The following ROBO2 variants were observed in gnomAD, a reference collection of about 807,000 sequenced individuals.
ROBO2 encodes roundabout homolog 2.
ROBO2 carries 53 observed loss-of-function variants against 160.8 expected under a neutral mutation model. The ratio of observed to expected loss-of-function variants is 0.33; its 90% CI spans 0.26 to 0.41. The LOEUF is 0.41. Ranked by LOEUF, ROBO2 falls within the 10% of genes least tolerant of loss-of-function variation. The pLI is 1.00. For synonymous variants in ROBO2, 664 were observed against 611.7 expected (o/e 1.09, Z -1.26); for missense variants, 1,577 against 1,722.4 (o/e 0.92, Z 1.49).
chr3:77,554,502 C>T (rs1461191683), intron 8 of ROBO2, among the ~76,000 whole-genome samples: 5 of 151,936 alleles, frequency 3.3e-5, no homozygotes, highest in Non-Finnish European at 7.4e-5. Flanking sequence ...TAATTAAAAA[C>T]CTTCTGGAAA....
chr3:77,330,749 G>A (rs933991958), intron 2 of ROBO2, among the ~76,000 whole-genome samples: 1 of 152,132 alleles, frequency 6.6e-6, no homozygotes, highest in East Asian at 1.9e-4. Flanking sequence ...AAGAAATGTG[G>A]GTTTTGATCT....
At chr3:77,051,174 C>T (rs1246260373) in intron 1 of ROBO2, among the ~76,000 whole-genome samples, 1 of 152,172 alleles carries the variant, frequency 6.6e-6, no homozygotes, top group African/African-American at 2.4e-5. Context: ...AAATACATTT[C>T]ATAGCTAAGT....
chr3:76,939,565 G>T (rs2078011699), intron 2 of ROBO2, among the ~76,000 whole-genome samples: 1 of 152,018 alleles, frequency 6.6e-6, no homozygotes, highest in Non-Finnish European at 1.5e-5. Flanking sequence ...CTGAGGTGGG[G>T]GTCAGAAGTT....
intron 2 of ROBO2, among the ~76,000 whole-genome samples, chr3:76,118,848 T>C (rs904274606): frequency 6.6e-6 from 1 of 152,184 alleles, no homozygotes; most frequent in African/African-American, 2.4e-5. Context: ...TCAGTAATGG[T>C]ATTAACAAAA....
chr3:76,528,564 G>A (rs148093998), intron 2 of ROBO2, among the ~76,000 whole-genome samples: 1 of 152,086 alleles, frequency 6.6e-6, no homozygotes, highest in African/African-American at 2.4e-5. Context: ...AGATTAGCTA[G>A]GAAAGATAAA....
intron 2 of ROBO2, among the ~76,000 whole-genome samples, chr3:77,421,379 C>A (rs2077700761): frequency 6.6e-6 from 1 of 151,926 alleles, no homozygotes; most frequent in African/African-American, 2.4e-5. Context: ...TCGTGTATAA[C>A]ATTTTTTTTC....
chr3:77,001,598 A>G (rs533645147), intron 2 of ROBO2, among the ~76,000 whole-genome samples: 6 of 152,252 alleles, frequency 3.9e-5, no homozygotes, highest in Admixed American at 3.9e-4. Flanking sequence ...TAACTTCTCC[A>G]TTTCATAAAC....
intron 2 of ROBO2, among the ~76,000 whole-genome samples, chr3:76,048,179 G>GT (rs1365126575): frequency 1.3e-5 from 2 of 152,014 alleles, no homozygotes; most frequent in Non-Finnish European, 2.9e-5. Context: ...AGGTGGGCAG[G>GT]TTTTTTATGC....
At chr3:77,303,018 A>C (rs920943377) in intron 2 of ROBO2, among the ~76,000 whole-genome samples, 1 of 152,208 alleles carries the variant, frequency 6.6e-6, no homozygotes, top group Non-Finnish European at 1.5e-5. Context: ...TTATTTCCTT[A>C]ATATGTGCAC....
intron 2 of ROBO2, among the ~76,000 whole-genome samples, chr3:76,433,027 A>G (rs778045840): frequency 2.0e-4 from 31 of 152,302 alleles, no homozygotes; most frequent in Non-Finnish European, 3.2e-4. Context: ...ACCATCTCAA[A>G]ATGCAACTTT....
chr3:77,515,917 C>T (rs1338810495), intron 5 of ROBO2, among the ~76,000 whole-genome samples: 2 of 151,570 alleles, frequency 1.3e-5, no homozygotes, highest in East Asian at 1.9e-4. Flanking sequence ...TACTATGTCT[C>T]AGAATATATG....
intron 6 of ROBO2, among the ~76,000 whole-genome samples, chr3:77,540,829 G>C (rs143504211): frequency 8.1e-6 from 1 of 122,746 alleles, no homozygotes; most frequent in South Asian, 2.7e-4. Flanking sequence ...GAAACATAAG[G>C]CTTTTCAAAT....
At chr3:76,930,870 A>C (rs570591055) in intron 2 of ROBO2, among the ~76,000 whole-genome samples, 1 of 152,324 alleles carries the variant, frequency 6.6e-6, no homozygotes, top group South Asian at 2.1e-4. Flanking sequence ...TCAGTCTTCC[A>C]ATTCAAATGT....
chr3:76,799,243 A>AC (rs397757629), intron 2 of ROBO2, among the ~76,000 whole-genome samples: 17 of 151,760 alleles, frequency 1.1e-4, no homozygotes, highest in African/African-American at 4.1e-4. Context: ...CAAAAAAAAA[A>AC]CGTATATAAC....
At chr3:77,410,241 A>G (rs1378006754) in intron 2 of ROBO2, among the ~76,000 whole-genome samples, 1 of 152,198 alleles carries the variant, frequency 6.6e-6, no homozygotes, top group African/African-American at 2.4e-5. Context: ...GTTTCTATGT[A>G]TCAAAACTTT....
chr3:76,570,520 G>T (rs1314419053), intron 2 of ROBO2, among the ~76,000 whole-genome samples: 10 of 152,134 alleles, frequency 6.6e-5, no homozygotes, highest in African/African-American at 2.4e-4. Flanking sequence ...GCTTTTAAAA[G>T]CACACAATCT....
At chr3:77,261,297 TGCAGAC>T (rs1190680477) in intron 2 of ROBO2, among the ~76,000 whole-genome samples, 1 of 152,154 alleles carries the variant, frequency 6.6e-6, no homozygotes, top group Admixed American at 6.5e-5. Context: ...TTCCAGGTTC[TGCAGAC>T]ACTTAAGAAA....
chr3:76,899,379 A>C (rs1295721365), intron 2 of ROBO2, among the ~76,000 whole-genome samples: 5 of 152,178 alleles, frequency 3.3e-5, no homozygotes, highest in Non-Finnish European at 7.3e-5. Flanking sequence ...GAATAACAAT[A>C]CAACGGAGGT....
chr3:76,106,805 C>T (rs1036146645), intron 2 of ROBO2, among the ~76,000 whole-genome samples: 4 of 151,794 alleles, frequency 2.6e-5, no homozygotes, highest in Admixed American at 1.3e-4. Context: ...AGGGTAATAC[C>T]ACAGCCCTTT....
Sources: gnomAD v4.1 joint callset for allele counts (sites outside exome capture counted in the v4.1 genomes callset) on GRCh38, gnomAD v4.1.1 for gene constraint, MANE v1.5 for transcripts, NCBI Gene and HGNC (gene_info 2026-07-23, HGNC 2026-07-21) for gene names.